Variants in FARP2 observed in about 807,000 individuals in gnomAD.
FARP2 encodes the protein FERM, ARHGEF and pleckstrin domain-containing protein 2.
A neutral mutation model predicts 130.5 loss-of-function variants in FARP2; 111 were observed. The ratio of observed to expected loss-of-function variants is 0.85; its 90% CI spans 0.73 to 1.00. The LOEUF is 1.00. Ranked by LOEUF, FARP2 falls within the 50% of genes least tolerant of loss-of-function variation. FARP2 has a pLI of 0.00. For missense variants in FARP2, 1,385 were observed against 1,346.3 expected (o/e 1.03, Z -0.45); for synonymous variants, 504 against 516.9 (o/e 0.98, Z 0.34).
chr2:241,431,024 A>C (rs920137464), intron 8 of FARP2, among the ~76,000 whole-genome samples: 1 of 151,964 alleles, frequency 6.6e-6, no homozygotes, highest in African/African-American at 2.4e-5. Context: ...AAAAAAGTGC[A>C]AATCTTTCCA....
chr2:241,434,390 T>C (rs2063167459), intron 10 of FARP2, 69 bp downstream of exon 10: 8 of 1,165,306 alleles, frequency 6.9e-6, no homozygotes, highest in South Asian at 5.6e-5. Flanking sequence ...AGGTAATTCC[T>C]AGTCAAGAAA....
chr2:241,468,169 C>T lies in FARP2; in HGVS notation c.1923C>T (p.Asp641=), dbSNP rs150675876. 18 of 1,613,720 alleles carry T rather than the reference C, an allele frequency of 1.1e-5. No homozygotes were observed. Among genetic ancestry groups the T allele is most frequent in the East Asian group, 2.2e-5 (1 of 44,892 alleles). Residue 641 remains aspartate, a synonymous_variant, in exon 18 of 27, where the codon GAC becomes GAT. Transcript: ENST00000264042. ...KEFTSYFQRH[D]EVLTELEKAT... ...TTACCAGCTACTTCCAAAGACATGA[C>T]GAGGTCCTAACAGAACTGGAAAAGG...
At chr2:241,372,245 G>A (rs1413602093) in intron 1 of FARP2, among the ~76,000 whole-genome samples, 1 of 151,930 alleles carries the variant, frequency 6.6e-6, no homozygotes, top group Non-Finnish European at 1.5e-5. Context: ...AGTGATGAGG[G>A]GGTTATTGTG....
intron 2 of FARP2, among the ~76,000 whole-genome samples, chr2:241,401,572 C>T (rs1486032089): frequency 5.9e-5 from 9 of 151,706 alleles, no homozygotes; most frequent in Non-Finnish European, 1.2e-4. Flanking sequence ...TCTGTTGTGC[C>T]GTCTGATCTT....
chr2:241,476,164 G>A (rs2064453073), intron 19 of FARP2, among the ~76,000 whole-genome samples, 177 bp downstream of exon 19: 1 of 149,294 alleles, frequency 6.7e-6, no homozygotes, highest in South Asian at 2.1e-4. Flanking sequence ...CTTGAGCCCA[G>A]GAGTTCAAGA....
rs575557845 is a variant in FARP2 at position 241,361,305 on chromosome 2, T to C, written c.-25+4917T>C. 6.6e-5 allele frequency among the ~76,000 whole-genome samples: 10 copies of C among 152,336 alleles called. No individual in the cohort carries two copies. In the East Asian group the frequency reaches 1.7e-3, roughly 26 times the overall value. ...CCTGGTGAACCAGCACAGTGGGTGA[T>C]AGTATTTCTAGAAGGAATACCCGCA... On this transcript the variant is annotated intron_variant, in intron 1 of 26. Coordinates refer to ENST00000264042, the MANE Select transcript of FARP2 (RefSeq NM_014808.4).
intron 2 of FARP2, among the ~76,000 whole-genome samples, chr2:241,376,256 T>C (rs559151693): frequency 1.3e-5 from 2 of 152,340 alleles, no homozygotes; most frequent in South Asian, 4.1e-4. Context: ...CAGTGTCCTT[T>C]GGGCTCTTGG....
chr2:241,494,300 C>T lies in FARP2; in HGVS notation c.*175C>T, dbSNP rs941402706. The T allele has an allele frequency of 2.0e-4, 82 of 415,758 alleles. No homozygotes were observed. The highest frequency in any genetic ancestry group is 1.4e-3 in the African/African-American group (68 of 48,538). The allele number at this position is 415,758 out of a possible 1,614,324, so 25.8% of individuals were successfully genotyped here. On this transcript the variant is annotated 3_prime_UTR_variant, in exon 27 of 27. Coordinates refer to ENST00000264042, the MANE Select transcript of FARP2 (RefSeq NM_014808.4). The surrounding 1 kb of genome is among the most constrained non-coding windows in gnomAD (Gnocchi z 4.9). ...ATCTGGGAGGGGCTTCATCCCCCCA[C>T]CCAGGACCTAGTGCATGCCAGCAGC...
chr2:241,359,769 G>T (rs761598070), intron 1 of FARP2, among the ~76,000 whole-genome samples: 2 of 152,184 alleles, frequency 1.3e-5, no homozygotes, highest in Non-Finnish European at 2.9e-5. Flanking sequence ...ATGCAATCAC[G>T]ATGGGGTTGA....
chr2:241,411,816 G>A (rs1257489779), intron 6 of FARP2, among the ~76,000 whole-genome samples: 4 of 152,272 alleles, frequency 2.6e-5, no homozygotes, highest in East Asian at 1.9e-4. Flanking sequence ...AAGTATATAG[G>A]TTATTTGCAG....
intron 2 of FARP2, chr2:241,387,050 T>TTA (rs1482629730): frequency 6.6e-6 from 1 of 152,262 alleles, no homozygotes; most frequent in Non-Finnish European, 1.5e-5. Flanking sequence ...GTTTGAAATA[T>TTA]GTTTCTTATA....
intron 4 of FARP2, among the ~76,000 whole-genome samples, chr2:241,406,392 G>A (rs1305863186): frequency 6.8e-6 from 1 of 147,978 alleles, no homozygotes; most frequent in African/African-American, 2.6e-5. Flanking sequence ...TGTATGTGTG[G>A]GTATATATAT....
chr2:241,466,657 G>C (rs1414486050), intron 17 of FARP2: 79 of 961,636 alleles, frequency 8.2e-5, no homozygotes, highest in South Asian at 9.8e-5. Context: ...CCCAGGCAGC[G>C]GGCCAGCCCC....
At chr2:241,417,906 G>A in intron 7 of FARP2, 56 bp from the exon 8 acceptor site, 2 of 1,582,872 alleles carry the variant, frequency 1.3e-6, no homozygotes, top group Non-Finnish European at 1.7e-6. Flanking sequence ...AATGCATTTT[G>A]GCTCTTTCAG....
At chr2:241,462,405 C>A in intron 14 of FARP2, 118 bp from the exon 15 acceptor site, 1 of 657,956 alleles carries the variant, frequency 1.5e-6, no homozygotes, top group Non-Finnish European at 2.7e-6. Flanking sequence ...AAGGTGAAAA[C>A]CCCATGACGA....
At chr2:241,403,277 C>T (rs891192864) in intron 2 of FARP2, among the ~76,000 whole-genome samples, 40 of 152,066 alleles carry the variant, frequency 2.6e-4, no homozygotes, top group Non-Finnish European at 5.0e-4. Context: ...TGCAGTGGCA[C>T]GATCATGGCT....
chr2:241,425,241 C>A (rs1225996250), intron 8 of FARP2, among the ~76,000 whole-genome samples: 2 of 152,038 alleles, frequency 1.3e-5, no homozygotes, highest in East Asian at 3.9e-4. Flanking sequence ...GGAAGAAAAT[C>A]TAGGCAATGC....
intron 13 of FARP2, among the ~76,000 whole-genome samples, chr2:241,455,547 A>AT (rs1333651202): frequency 6.6e-6 from 1 of 151,434 alleles, no homozygotes; most frequent in African/African-American, 2.4e-5. Flanking sequence ...TGCCCGGCTA[A>AT]TTTTTTGTAT....
At chr2:241,472,884 G>A (rs1466760043) in intron 18 of FARP2, among the ~76,000 whole-genome samples, 1 of 150,330 alleles carries the variant, frequency 6.7e-6, no homozygotes, top group African/African-American at 2.5e-5. Context: ...CCTGTTCTGA[G>A]GGGAACCTCT....
Sources: gnomAD v4.1 joint callset for allele counts (sites outside exome capture counted in the v4.1 genomes callset) on GRCh38, gnomAD v4.1.1 for gene constraint, Gnocchi (gnomAD v3.1) non-coding constraint, MANE v1.5 for transcripts, NCBI Gene and HGNC (gene_info 2026-07-23, HGNC 2026-07-21) for gene names.